HNRNPLL: variants seen among roughly 807,000 people sequenced by gnomAD.
The protein encoded by HNRNPLL is heterogeneous nuclear ribonucleoprotein L-like.
In HNRNPLL, 25 loss-of-function variants were observed where a neutral mutation model predicts 67.1. The observed-to-expected ratio is 0.37, with a 90% CI of 0.27 to 0.52. The LOEUF is 0.52. HNRNPLL is among the 20% of genes least tolerant of loss of function. The pLI is 0.90. For missense variants in HNRNPLL, 542 were observed against 673.9 expected, an observed-to-expected ratio of 0.80 and a Z score of 2.17; for synonymous variants, 267 against 241.7, an observed-to-expected ratio of 1.10 and a Z score of -0.97.
chr2:38,568,143 T>C, intron 12 of HNRNPLL, 56 bp downstream of exon 12: 1 of 1,027,452 alleles, frequency 9.7e-7, no homozygotes, highest in Non-Finnish European at 1.5e-6. Context: ...CATGAATGTT[T>C]CTGTGATGGT....
At position 38,568,368 on chromosome 2, in the gene HNRNPLL, G is replaced by C. The variant is rs912902546; in HGVS notation, c.1474+18C>G. On this transcript the variant is annotated intron_variant, in intron 11 of 12. Coordinates refer to ENST00000449105, the MANE Select transcript of HNRNPLL (RefSeq NM_138394.4). ...CCAACTTAACCAGAAAGCTTTAAAA[G>C]AGGGACTGTTCACTTACGTTTTGCA... The C allele has an allele frequency of 1.2e-6, 2 of 1,607,480 alleles. No individual in the cohort carries two copies. Among genetic ancestry groups the C allele is most frequent in the Non-Finnish European group, 1.7e-6 (2 of 1,174,604 alleles).
intron 6 of HNRNPLL, chr2:38,577,884 A>G: frequency 2.1e-6 from 1 of 475,976 alleles, no homozygotes; most frequent in South Asian, 1.6e-5. Flanking sequence ...TGTCTTTAAA[A>G]CAAGCTTTAA....
intron 3 of HNRNPLL, among the ~76,000 whole-genome samples, 173 bp downstream of exon 3, chr2:38,585,471 A>C (rs1246674257): frequency 2.6e-5 from 4 of 152,210 alleles, no homozygotes; most frequent in African/African-American, 9.7e-5. Flanking sequence ...TATCTTTTTA[A>C]CTACAGTGCT....
At chr2:38,596,146 C>T (rs1667179546) in intron 1 of HNRNPLL, among the ~76,000 whole-genome samples, 1 of 151,824 alleles carries the variant, frequency 6.6e-6, no homozygotes, top group African/African-American at 2.4e-5. Context: ...ATTTGTCTAC[C>T]ATCATCCTCT....
At chr2:38,592,739 T>C (rs770268880) in intron 1 of HNRNPLL, among the ~76,000 whole-genome samples, 10 of 152,258 alleles carry the variant, frequency 6.6e-5, no homozygotes, top group Non-Finnish European at 1.2e-4. Flanking sequence ...TATTTACAAA[T>C]GCCATCAGGC....
At chr2:38,568,726 G>C (rs143183943) in intron 10 of HNRNPLL, among the ~76,000 whole-genome samples, 51 of 152,228 alleles carry the variant, frequency 3.4e-4, no homozygotes, top group African/African-American at 1.2e-3. Flanking sequence ...AGTACTTAAG[G>C]TAGGGAGTAG....
At chr2:38,566,652 A>G (rs1393097040) in intron 12 of HNRNPLL, among the ~76,000 whole-genome samples, 12 of 151,722 alleles carry the variant, frequency 7.9e-5, no homozygotes, top group African/African-American at 2.7e-4. Flanking sequence ...TTCATGCCCT[A>G]CACTACTGAA....
chr2:38,597,598 C>G (rs539250529), intron 1 of HNRNPLL, among the ~76,000 whole-genome samples: 1 of 152,250 alleles, frequency 6.6e-6, no homozygotes, highest in East Asian at 1.9e-4. Context: ...CATAGGGAAA[C>G]TAACTTTCCT....
chr2:38,592,031 A>G (rs1430809404), intron 1 of HNRNPLL, among the ~76,000 whole-genome samples: 2 of 152,336 alleles, frequency 1.3e-5, no homozygotes, highest in Admixed American at 6.5e-5. Context: ...AGTAAATTCA[A>G]ACCTGCTTAA....
intron 8 of HNRNPLL, among the ~76,000 whole-genome samples, chr2:38,571,938 T>C (rs960239633): frequency 7.9e-5 from 12 of 152,256 alleles, no homozygotes; most frequent in South Asian, 2.1e-4. Context: ...ACAAAAGACA[T>C]AGATCTACTA....
intron 1 of HNRNPLL, among the ~76,000 whole-genome samples, chr2:38,598,587 A>G (rs1286297265): frequency 6.6e-6 from 1 of 152,202 alleles, no homozygotes; most frequent in Non-Finnish European, 1.5e-5. Context: ...GATATGTAAC[A>G]TTTTTTCACT....
At chr2:38,586,531 C>T (rs892780338) in intron 2 of HNRNPLL, among the ~76,000 whole-genome samples, 1 of 152,184 alleles carries the variant, frequency 6.6e-6, no homozygotes, top group Non-Finnish European at 1.5e-5. Context: ...TCAAACTCAA[C>T]AGAAGGTTGG....
At chr2:38,598,099 AT>A (rs1667282245) in intron 1 of HNRNPLL, among the ~76,000 whole-genome samples, 1 of 149,126 alleles carries the variant, frequency 6.7e-6, no homozygotes, top group African/African-American at 2.5e-5. Flanking sequence ...AAATAAAAAC[AT>A]AAAAACAAAA....
Position 38,588,164 on chromosome 2 carries a change from T to C in HNRNPLL, c.309-2283A>G, listed in dbSNP as rs112877266. 5.0e-3 allele frequency among the ~76,000 whole-genome samples: 761 copies of C among 152,278 alleles called. 11 individuals are homozygous for C. The highest frequency in any genetic ancestry group is 0.016 in the African/African-American group (651 of 41,552). ...TCTCAAATACGTCTTTATAGCAATA[T>C]AGCAATGTAACAACAAACTAATACA... On this transcript the variant is annotated intron_variant, in intron 2 of 12. Coordinates refer to ENST00000449105, the MANE Select transcript of HNRNPLL (RefSeq NM_138394.4).
intron 8 of HNRNPLL, among the ~76,000 whole-genome samples, chr2:38,570,587 T>C (rs77480198): frequency 0.064 from 9,671 of 152,226 alleles, 313 homozygotes; most frequent in South Asian, 0.088. Flanking sequence ...TTGTACTATT[T>C]CCAGTTTTAG....
Position 38,564,005 on chromosome 2 carries a change from C to T in HNRNPLL, c.*177G>A, listed in dbSNP as rs1177690814. 3 of 559,844 alleles carry T rather than the reference C, an allele frequency of 5.4e-6. No individual in the cohort carries two copies. The highest frequency in any genetic ancestry group is 9.6e-6 in the Non-Finnish European group (3 of 314,064). The allele number at this position is 559,844 out of a possible 1,614,324, so 34.7% of individuals were successfully genotyped here. On this transcript the variant is annotated 3_prime_UTR_variant, in exon 13 of 13. Coordinates refer to ENST00000449105, the MANE Select transcript of HNRNPLL (RefSeq NM_138394.4). Reference sequence around the variant, plus strand: ...ATGATATTCTATCTTAAAATGAAAACAATTCAATATTTAAGCTTACAACAA... The same window carrying T: ...ATGATATTCTATCTTAAAATGAAAATAATTCAATATTTAAGCTTACAACAA...
chr2:38,597,258 C>T (rs974682062), intron 1 of HNRNPLL, among the ~76,000 whole-genome samples: 4 of 152,186 alleles, frequency 2.6e-5, no homozygotes, highest in African/African-American at 7.2e-5. Flanking sequence ...TATTAAGTCA[C>T]ACCTAAGTTT....
chr2:38,587,960 C>T (rs541418916), intron 2 of HNRNPLL, among the ~76,000 whole-genome samples: 84 of 152,120 alleles, frequency 5.5e-4, no homozygotes, highest in Non-Finnish European at 7.6e-4. Context: ...TTTGTGTGCG[C>T]GCTCTCTCTC....
chr2:38,569,097 G>A, intron 10 of HNRNPLL, 36 bp downstream of exon 10: 1 of 1,381,492 alleles, frequency 7.2e-7, no homozygotes, highest in Non-Finnish European at 1.0e-6. Flanking sequence ...ATAGGAAATA[G>A]CAACATTCTA....
Sources: gnomAD v4.1 joint callset for allele counts (sites outside exome capture counted in the v4.1 genomes callset) on GRCh38, gnomAD v4.1.1 for gene constraint, MANE v1.5 for transcripts, NCBI Gene and HGNC (gene_info 2026-07-23, HGNC 2026-07-21) for gene names.